The following SATB1 variants were observed in gnomAD, a reference collection of about 807,000 sequenced individuals.
The protein encoded by SATB1 is DNA-binding protein SATB1.
SATB1 carries 11 observed loss-of-function variants against 86.9 expected under a neutral mutation model. That is an observed-to-expected ratio of 0.13 (90% CI 0.08 to 0.21). The LOEUF (loss-of-function observed/expected upper bound fraction) is 0.21. Ranked by LOEUF, SATB1 falls within the 10% of genes least tolerant of loss-of-function variation. The pLI, the probability that SATB1 is intolerant of heterozygous loss-of-function variation, is 1.00. For synonymous variants in SATB1, 357 were observed against 357.2 expected (o/e 1.00, Z 0.01); for missense variants, 551 against 937.6 (o/e 0.59, Z 5.39).
chr3:18,389,066 G>A (rs957238537), intron 7 of SATB1, among the ~76,000 whole-genome samples: 7 of 152,052 alleles, frequency 4.6e-5, no homozygotes, highest in Admixed American at 3.9e-4. Context: ...TGATGTTGGT[G>A]TGACTTCCTA....
rs578060783 is a variant in SATB1, at chr3:18,443,798, A to G, written c.-25+1720T>C. ...GGAGGGAAACACGGTGTGGACTGCG[A>G]GGCTGCACCTGTGATGTCCCGGCCC... On this transcript the variant is annotated intron_variant, in intron 1 of 3. Coordinates refer to the SATB1 transcript ENST00000415069. This position sits in a 1 kb window ranked among gnomAD's most constrained non-coding sequence, Gnocchi z 4.4. Among the ~76,000 whole-genome samples, 4 of 152,258 alleles carry G rather than the reference A, an allele frequency of 2.6e-5. No homozygotes were observed. Among genetic ancestry groups the G allele is most frequent in the South Asian group, 4.1e-4 (2 of 4,824 alleles).
chr3:18,357,343 A>G (rs1694695423), intron 9 of SATB1, among the ~76,000 whole-genome samples: 1 of 152,052 alleles, frequency 6.6e-6, no homozygotes, highest in African/African-American at 2.4e-5. Flanking sequence ...ATTAAATAGT[A>G]CTTCTAACAA....
chr3:18,411,592 C>T (rs1233294543), intron 5 of SATB1, among the ~76,000 whole-genome samples: 1 of 151,826 alleles, frequency 6.6e-6, no homozygotes, highest in Non-Finnish European at 1.5e-5. Flanking sequence ...TCCATATCCT[C>T]AAAAGTTTCA....
chr3:18,408,016 G>A (rs771197160), intron 5 of SATB1, among the ~76,000 whole-genome samples: 23 of 152,036 alleles, frequency 1.5e-4, no homozygotes, highest in Non-Finnish European at 2.8e-4. Context: ...TTGTTATTCA[G>A]ATAAGAATGT....
At position 18,386,977 on chromosome 3, in the gene SATB1, G is replaced by A. The variant is rs528789186; in HGVS notation, c.1207-366C>T. ...TAGTTCCCAAGCTGCCTAGACAAAG[G>A]CAGTGTAATGCCTACAGCCCAATAT... On this transcript the variant is annotated intron_variant, in intron 7 of 10. Transcript: ENST00000338745. This position sits in a 1 kb window ranked among gnomAD's most constrained non-coding sequence, Gnocchi z 4.5. Among the ~76,000 whole-genome samples the A allele has an allele frequency of 1.3e-5, 2 of 152,118 alleles. No homozygotes were observed. Among genetic ancestry groups the A allele is most frequent in the Non-Finnish European group, 2.9e-5 (2 of 68,028 alleles).
At chr3:18,433,541 T>A (rs1698959962) in intron 2 of SATB1, among the ~76,000 whole-genome samples, 1 of 152,118 alleles carries the variant, frequency 6.6e-6, no homozygotes, top group African/African-American at 2.4e-5. Context: ...TCCTATGGAT[T>A]TTATATTAAA....
intron 7 of SATB1, among the ~76,000 whole-genome samples, chr3:18,392,123 T>G (rs368688444): frequency 2.0e-5 from 3 of 152,172 alleles, no homozygotes; most frequent in Non-Finnish European, 4.4e-5. Flanking sequence ...CTTTTTTTCC[T>G]AAATTGGCTA....
upstream of SATB1, among the ~76,000 whole-genome samples, chr3:18,425,960 T>C (rs115355258): frequency 4.4e-3 from 669 of 151,470 alleles, 8 homozygotes; most frequent in African/African-American, 0.015. Flanking sequence ...GCCTGGAGCG[T>C]CGCAGAGGGA....
At chr3:18,413,744 T>C (rs1447500017) in intron 5 of SATB1, among the ~76,000 whole-genome samples, 1 of 152,100 alleles carries the variant, frequency 6.6e-6, no homozygotes, top group African/African-American at 2.4e-5. Flanking sequence ...TTTCTCTGAA[T>C]TGCAAGAAAT....
At chr3:18,418,390 AAGCTTTAGTGAACTGTTC>A (rs1373761395) in intron 2 of SATB1, among the ~76,000 whole-genome samples, 1 of 152,174 alleles carries the variant, frequency 6.6e-6, no homozygotes, top group Non-Finnish European at 1.5e-5. Flanking sequence ...GTCTTCACCA[AAGCTTTAGTGAACTGTTC>A]ACAAGAGATT....
At chr3:18,432,803 C>CAAAAAAAAAAAAAAA (rs5846986) in intron 2 of SATB1, among the ~76,000 whole-genome samples, 1 of 137,626 alleles carries the variant, frequency 7.3e-6, no homozygotes, top group Non-Finnish European at 1.6e-5. Context: ...TAAACATTTT[C>CAAAAAAAAAAAAAAA]AAAAAAAAAA....
intron 1 of SATB1, 88 bp from the exon 2 acceptor site, chr3:18,421,079 T>G: frequency 1.2e-6 from 1 of 818,412 alleles, no homozygotes; most frequent in Non-Finnish European, 2.0e-6. Context: ...TAGCTCTAGA[T>G]ATCTCTCCAC....
chr3:18,383,403 GA>G (rs1696158119), intron 8 of SATB1, among the ~76,000 whole-genome samples: 1 of 152,198 alleles, frequency 6.6e-6, no homozygotes, highest in South Asian at 2.1e-4. Context: ...TAAAGAGGTG[GA>G]AGAGAATCCA....
In SATB1 at chr3:18,347,114, G is replaced by A. The variant is rs1399965408; in HGVS notation, c.*2056C>T. 6.6e-6 allele frequency: 1 copy of A among 151,894 alleles called. No individual in the cohort carries two copies. The highest frequency in any genetic ancestry group is 1.5e-5 in the Non-Finnish European group (1 of 67,944). 9.4% of individuals were successfully genotyped at this position (151,894 alleles called of 1,614,324 possible). A position where few individuals can be genotyped will look rare whatever the true frequency, so the allele number is the denominator to read the frequency against. ...CAATGATTCCACTTCAGTTTCTAAA[G>A]TACAAGTTCAACACTAAAGCAGCCC... On this transcript the variant is annotated 3_prime_UTR_variant, in exon 11 of 11. Coordinates refer to ENST00000338745, the MANE Select transcript of SATB1 (RefSeq NM_002971.6).
At chr3:18,389,862 C>T (rs1160625016) in intron 7 of SATB1, among the ~76,000 whole-genome samples, 1 of 152,070 alleles carries the variant, frequency 6.6e-6, no homozygotes, top group African/African-American at 2.4e-5. Context: ...TATTGAAAAT[C>T]AGAAGCTGCC....
chr3:18,399,189 T>C (rs189018194), intron 5 of SATB1, among the ~76,000 whole-genome samples: 2 of 152,334 alleles, frequency 1.3e-5, no homozygotes, highest in East Asian at 1.9e-4. Flanking sequence ...GCCGAGGTTT[T>C]TGACAAACAT....
intron 8 of SATB1, among the ~76,000 whole-genome samples, chr3:18,381,168 C>T (rs1461868242): frequency 2.6e-5 from 4 of 152,086 alleles, no homozygotes; most frequent in South Asian, 2.1e-4. Flanking sequence ...AAAATTGTGC[C>T]GCAGGACACA....
At chr3:18,371,385 T>C (rs1695474016) in intron 9 of SATB1, among the ~76,000 whole-genome samples, 1 of 152,152 alleles carries the variant, frequency 6.6e-6, no homozygotes. Context: ...CTCTAAAATA[T>C]AGATATATAT....
In SATB1 at chr3:18,410,605, C is replaced by T. The variant is rs193191489; in HGVS notation, c.639+4506G>A. On this transcript the variant is annotated intron_variant, in intron 5 of 10. Transcript: ENST00000338745. ...ATAAGATGTTATATCCTTAACACTA[C>T]ATAGGAAATGGAATGCCTGGCATAC... Among the ~76,000 whole-genome samples the T allele has an allele frequency of 1.1e-4, 16 of 152,136 alleles. No homozygotes were observed. In the East Asian group the frequency reaches 3.1e-3, roughly 30 times the overall value.
Sources: allele counts gnomAD v4.1 joint callset (sites outside exome capture counted in the v4.1 genomes callset), GRCh38; gene constraint gnomAD v4.1.1; non-coding constraint Gnocchi (gnomAD v3.1); transcripts MANE v1.5; gene names NCBI Gene and HGNC (gene_info 2026-07-23, HGNC 2026-07-21).